Variants in PID1 observed in about 807,000 individuals in gnomAD.
PID1 encodes phosphotyrosine interaction domain containing 1.
A neutral mutation model predicts 19.1 loss-of-function variants in PID1; 10 were observed. That is an observed-to-expected ratio of 0.52 (90% CI 0.32 to 0.89). The LOEUF is 0.89. PID1 is among the 40% of genes least tolerant of loss of function. The pLI, the probability that PID1 is intolerant of heterozygous loss-of-function variation, is 0.03. For synonymous variants in PID1, 130 were observed against 116.0 expected (o/e 1.12, Z -0.78); for missense variants, 248 against 285.3 (o/e 0.87, Z 0.94).
intron 1 of PID1, among the ~76,000 whole-genome samples, chr2:229,215,244 G>A (rs1324113043): frequency 6.6e-6 from 1 of 152,198 alleles, no homozygotes. Flanking sequence ...TTAACTGAAT[G>A]AGGCTGAACA....
chr2:229,164,107 G>T (rs2106203495), intron 1 of PID1, among the ~76,000 whole-genome samples: 1 of 152,154 alleles, frequency 6.6e-6, no homozygotes, highest in Non-Finnish European at 1.5e-5. Context: ...TCTGCAACTG[G>T]CCATGGTCTC....
chr2:229,235,400 C>T (rs1692303596), intron 1 of PID1, among the ~76,000 whole-genome samples: 1 of 152,086 alleles, frequency 6.6e-6, no homozygotes, highest in Non-Finnish European at 1.5e-5. Context: ...TGACTAAGAC[C>T]TCAGAAGGTG....
intron 1 of PID1, among the ~76,000 whole-genome samples, chr2:229,237,415 T>C (rs1334023440): frequency 3.3e-5 from 5 of 152,154 alleles, no homozygotes; most frequent in Non-Finnish European, 7.3e-5. Context: ...CCTATAAATA[T>C]TGCCACACCA....
At chr2:229,110,231 T>C (rs1423390497) in intron 2 of PID1, among the ~76,000 whole-genome samples, 1 of 152,226 alleles carries the variant, frequency 6.6e-6, no homozygotes, top group Admixed American at 6.5e-5. Context: ...TCCAAGCGCC[T>C]TCCTGGCTGT....
chr2:229,047,737 T>G (rs1206408546), intron 2 of PID1, among the ~76,000 whole-genome samples: 3 of 152,164 alleles, frequency 2.0e-5, no homozygotes, highest in South Asian at 2.1e-4. Context: ...GTTAAGTCAT[T>G]TGTCCGGTGA....
intron 2 of PID1, among the ~76,000 whole-genome samples, chr2:229,140,249 C>T (rs1235111630): frequency 6.6e-6 from 1 of 152,106 alleles, no homozygotes; most frequent in African/African-American, 2.4e-5. Context: ...CTGGAATCCT[C>T]CACCAATCCA....
At chr2:229,191,606 A>G (rs1691261515) in intron 1 of PID1, among the ~76,000 whole-genome samples, 2 of 152,272 alleles carry the variant, frequency 1.3e-5, no homozygotes, top group Middle Eastern at 3.4e-3. Context: ...TTTTCAATCC[A>G]CTCACAAGTT....
chr2:229,059,733 C>A (rs1412528240), intron 2 of PID1, among the ~76,000 whole-genome samples: 1 of 152,076 alleles, frequency 6.6e-6, no homozygotes, highest in Non-Finnish European at 1.5e-5. Flanking sequence ...TTTGATAAAC[C>A]AATTGCAAAA....
In PID1 at chr2:229,216,959, T is replaced by C. The variant is rs116292888; in HGVS notation, c.30+54055A>G. 6.6e-3 allele frequency among the ~76,000 whole-genome samples: 1,012 copies of C among 152,298 alleles called. 3 individuals carry two copies. The highest frequency in any genetic ancestry group is 8.4e-3 in the Non-Finnish European group (570 of 68,014). On this transcript the variant is annotated intron_variant, in intron 1 of 2. Coordinates refer to ENST00000392055, the MANE Select transcript of PID1 (RefSeq NM_001100818.2). Reference sequence around the variant, plus strand: ...ATAACTGTTTTTGTTTACTTAGAATTTTATTGGGGTATAATTTACACAGTG... The same window carrying C: ...ATAACTGTTTTTGTTTACTTAGAATCTTATTGGGGTATAATTTACACAGTG...
intron 2 of PID1, among the ~76,000 whole-genome samples, chr2:229,103,364 G>A (rs2106230220): frequency 6.6e-6 from 1 of 152,286 alleles, no homozygotes; most frequent in African/African-American, 2.4e-5. Flanking sequence ...GGATCCAGGG[G>A]AGGAAGACAA....
At chr2:229,111,763 C>T (rs141522408) in intron 2 of PID1, among the ~76,000 whole-genome samples, 5 of 152,194 alleles carry the variant, frequency 3.3e-5, no homozygotes, top group South Asian at 2.1e-4. Flanking sequence ...ATACTGATAG[C>T]GAAGTAAAGT....
At chr2:229,207,304 T>G (rs975051215) in intron 1 of PID1, among the ~76,000 whole-genome samples, 1 of 151,902 alleles carries the variant, frequency 6.6e-6, no homozygotes, top group South Asian at 2.1e-4. Flanking sequence ...AATAAAACCA[T>G]GAGGCCATAA....
intron 1 of PID1, among the ~76,000 whole-genome samples, chr2:229,179,845 G>A (rs781588846): frequency 3.9e-5 from 6 of 152,132 alleles, no homozygotes; most frequent in Admixed American, 6.5e-5. Context: ...TGAGCAGCAC[G>A]AAGCAAAAAA....
At chr2:229,232,048 T>A (rs1411748093) in intron 1 of PID1, 2 of 1,542,872 alleles carry the variant, frequency 1.3e-6, no homozygotes, top group Admixed American at 2.0e-5. Flanking sequence ...AGGGGCAGGC[T>A]GAACATGGCA....
chr2:229,260,817 A>ATTTTT (rs66533277), intron 1 of PID1, among the ~76,000 whole-genome samples: 1 of 114,648 alleles, frequency 8.7e-6, no homozygotes, highest in Non-Finnish European at 1.8e-5. Context: ...TCTGATTGCC[A>ATTTTT]TTTTTTTTTT....
At chr2:229,094,919 A>T (rs997633318) in intron 2 of PID1, among the ~76,000 whole-genome samples, 1 of 152,240 alleles carries the variant, frequency 6.6e-6, no homozygotes, top group Non-Finnish European at 1.5e-5. Flanking sequence ...GTGAGGACAC[A>T]ATTTAGTATG....
chr2:229,134,484 C>T lies in PID1; in HGVS notation c.177+21334G>A, dbSNP rs557458082. On this transcript the variant is annotated intron_variant, in intron 2 of 2. Coordinates refer to ENST00000392055, the MANE Select transcript of PID1 (RefSeq NM_001100818.2). ...GTCTCGAACTCCTGACCTCATGATC[C>T]GCCCACCTTGGCCTCCCAAAGTGCT... Among the ~76,000 whole-genome samples the T allele has an allele frequency of 8.6e-5, 13 of 151,928 alleles. No homozygotes were observed. In the East Asian group the frequency reaches 1.2e-3, roughly 14 times the overall value.
intron 2 of PID1, among the ~76,000 whole-genome samples, chr2:229,037,166 T>C (rs1693681927): frequency 6.6e-6 from 1 of 152,206 alleles, no homozygotes; most frequent in African/African-American, 2.4e-5. Context: ...TAAAAAATGC[T>C]TAGCACTTTT....
chr2:229,059,119 A>G (rs1559214380), intron 2 of PID1, among the ~76,000 whole-genome samples: 3 of 152,204 alleles, frequency 2.0e-5, no homozygotes, highest in African/African-American at 7.2e-5. Flanking sequence ...AATGTTTTCT[A>G]TAGGACAAAA....
Sources: gnomAD v4.1 joint callset for allele counts (sites outside exome capture counted in the v4.1 genomes callset) on GRCh38, gnomAD v4.1.1 for gene constraint, MANE v1.5 for transcripts, NCBI Gene and HGNC (gene_info 2026-07-23, HGNC 2026-07-21) for gene names.